ERC2: variants seen among roughly 807,000 people sequenced by gnomAD.
ERC2 encodes the protein ELKS/RAB6-interacting/CAST family member 2, also known as ERC protein 2.
Under a neutral mutation model 114.8 loss-of-function variants are expected in ERC2, and 42 were observed. The observed-to-expected ratio is 0.37, with a 90% CI of 0.29 to 0.47. The LOEUF (loss-of-function observed/expected upper bound fraction) is 0.47, where lower values mean the gene tolerates loss of function less well. Ranked by LOEUF, ERC2 falls within the 20% of genes least tolerant of loss-of-function variation. The pLI is 0.99. For synonymous variants in ERC2, 454 were observed against 425.5 expected (o/e 1.07, Z -0.82); for missense variants, 939 against 1,150.7 (o/e 0.82, Z 2.66).
At chr3:56,086,699 C>T (rs1224958641) in intron 6 of ERC2, among the ~76,000 whole-genome samples, 1 of 151,968 alleles carries the variant, frequency 6.6e-6, no homozygotes, top group Non-Finnish European at 1.5e-5. Flanking sequence ...AAAATGCATT[C>T]TATTAAAAAT....
At chr3:55,952,169 ACACACACACACTCTCTCTCTCTCTCTCT>A (rs1344124935) in intron 12 of ERC2, among the ~76,000 whole-genome samples, 11 of 61,262 alleles carry the variant, frequency 1.8e-4, no homozygotes, top group African/African-American at 5.8e-4. Flanking sequence ...ACACACACAC[ACACACACACACTCTCTCTCTCTCTCTCT>A]CTATATATAT....
chr3:55,564,852 CA>C (rs561850953), intron 17 of ERC2, among the ~76,000 whole-genome samples: 36 of 152,382 alleles, frequency 2.4e-4, no homozygotes, highest in Admixed American at 5.9e-4. Flanking sequence ...GGACAGGGAT[CA>C]GCAAATGTTT....
At chr3:55,771,146 T>C (rs1037927388) in intron 14 of ERC2, among the ~76,000 whole-genome samples, 3 of 152,178 alleles carry the variant, frequency 2.0e-5, no homozygotes, top group Admixed American at 6.5e-5. Context: ...TTTCTAATCC[T>C]TTGGGTATAT....
intron 5 of ERC2, 52 bp downstream of exon 5, chr3:56,148,925 G>C: frequency 1.3e-6 from 2 of 1,546,702 alleles, no homozygotes; most frequent in Non-Finnish European, 1.8e-6. Context: ...TATGTAAACT[G>C]TAACTTTCTA....
At chr3:55,725,146 G>T (rs2064830504) in intron 15 of ERC2, among the ~76,000 whole-genome samples, 2 of 152,144 alleles carry the variant, frequency 1.3e-5, no homozygotes, top group Non-Finnish European at 2.9e-5. Context: ...GTGCTGTGGG[G>T]TGCTTCAAGT....
intron 17 of ERC2, among the ~76,000 whole-genome samples, chr3:55,526,884 G>T (rs2053355158): frequency 6.6e-6 from 1 of 152,216 alleles, no homozygotes; most frequent in African/African-American, 2.4e-5. Context: ...GCTGTTCCCA[G>T]CTGGAAGCAG....
At chr3:55,744,837 A>G (rs4955871) in intron 14 of ERC2, among the ~76,000 whole-genome samples, 33,843 of 152,168 alleles carry the variant, frequency 0.22, 4,341 homozygotes, top group African/African-American at 0.31. Context: ...GACAACTTGC[A>G]GTCAAGACCC....
intron 8 of ERC2, among the ~76,000 whole-genome samples, chr3:56,013,539 C>T (rs1203918497): frequency 2.0e-5 from 3 of 152,126 alleles, no homozygotes; most frequent in African/African-American, 7.2e-5. Context: ...GAAGGACCAG[C>T]TTAGACAGGG....
rs535139599 is a variant in ERC2 at position 56,072,430 on chromosome 3, A to C, written c.1641+8387T>G. 8 of 152,306 alleles carry C rather than the reference A, an allele frequency of 5.3e-5. No individual in the cohort carries two copies. In the South Asian group the frequency reaches 1.7e-3, roughly 32 times the overall value. The allele number at this position is 152,306 out of a possible 1,614,324, so 9.4% of individuals were successfully genotyped here. ...ACCCTACCAACACAAAATACATATA[A>C]ATAACTTTCTGTGTAATATATTAAG... On this transcript the variant is annotated intron_variant, in intron 7 of 17. Transcript: ENST00000288221.
intron 3 of ERC2, among the ~76,000 whole-genome samples, chr3:56,247,324 AAT>A (rs35099506): frequency 0.24 from 36,276 of 152,148 alleles, 4,958 homozygotes; most frequent in Non-Finnish European, 0.3. Context: ...TCAGGCTAAT[AAT>A]ATGTTATGAA....
chr3:55,855,816 G>A (rs951587968), intron 14 of ERC2, among the ~76,000 whole-genome samples: 19 of 152,040 alleles, frequency 1.2e-4, no homozygotes, highest in African/African-American at 4.6e-4. Flanking sequence ...CCTTCCCATG[G>A]GACTCATACT....
intron 12 of ERC2, among the ~76,000 whole-genome samples, chr3:55,951,709 C>CCCATA (rs541871809): frequency 7.8e-4 from 119 of 152,146 alleles, no homozygotes; most frequent in African/African-American, 2.7e-3. Context: ...ATCCCTTTCC[C>CCCATA]CCATACCACA....
intron 14 of ERC2, among the ~76,000 whole-genome samples, chr3:55,736,306 A>G (rs1018314059): frequency 1.3e-4 from 20 of 152,094 alleles, no homozygotes; most frequent in Admixed American, 3.9e-4. Context: ...CTCCTTCCTC[A>G]ATCATTAGGC....
chr3:56,017,844 G>A (rs1452039411), intron 8 of ERC2, among the ~76,000 whole-genome samples: 1 of 152,128 alleles, frequency 6.6e-6, no homozygotes, highest in Non-Finnish European at 1.5e-5. Context: ...TGCATCCCAA[G>A]GCTCAAAAGA....
chr3:55,662,871 C>G (rs1357166810), intron 17 of ERC2, among the ~76,000 whole-genome samples: 1 of 152,170 alleles, frequency 6.6e-6, no homozygotes, highest in African/African-American at 2.4e-5. Context: ...CATGCTTATT[C>G]ATTGCTACAG....
intron 17 of ERC2, among the ~76,000 whole-genome samples, chr3:55,524,256 T>A (rs2107225360): frequency 6.6e-6 from 1 of 152,260 alleles, no homozygotes; most frequent in Non-Finnish European, 1.5e-5. Flanking sequence ...CAGTGGGGTG[T>A]TCATGCCCAG....
At chr3:56,110,169 C>T (rs1427322449) in intron 6 of ERC2, among the ~76,000 whole-genome samples, 1 of 152,136 alleles carries the variant, frequency 6.6e-6, no homozygotes, top group Non-Finnish European at 1.5e-5. Context: ...AACATTTTCA[C>T]TTTAAAAGAC....
chr3:55,613,787 T>G (rs542874902), intron 17 of ERC2, among the ~76,000 whole-genome samples: 1 of 151,716 alleles, frequency 6.6e-6, no homozygotes, highest in Non-Finnish European at 1.5e-5. Context: ...CAAGACCAGC[T>G]TGGCCAACAT....
At chr3:56,210,584 G>T (rs1489468108) in intron 3 of ERC2, among the ~76,000 whole-genome samples, 1 of 152,084 alleles carries the variant, frequency 6.6e-6, no homozygotes, top group Non-Finnish European at 1.5e-5. Context: ...ACTCAAAATT[G>T]AATTAAGCTA....
Sources: gnomAD v4.1 joint callset for allele counts (sites outside exome capture counted in the v4.1 genomes callset) on GRCh38, gnomAD v4.1.1 for gene constraint, MANE v1.5 for transcripts, NCBI Gene and HGNC (gene_info 2026-07-23, HGNC 2026-07-21) for gene names.